The following HELLS variants were observed in gnomAD, a reference collection of about 807,000 sequenced individuals.
The protein encoded by HELLS is lymphoid-specific helicase.
In HELLS, 32 loss-of-function variants were observed where a neutral mutation model predicts 120.0. The ratio of observed to expected loss-of-function variants is 0.27; its 90% CI spans 0.20 to 0.36. HELLS has a LOEUF of 0.36. HELLS is among the 10% of genes least tolerant of loss of function. The pLI is 1.00. For missense variants in HELLS, 650 were observed against 993.4 expected, an observed-to-expected ratio of 0.65 and a Z score of 4.65; for synonymous variants, 341 against 323.4, an observed-to-expected ratio of 1.05 and a Z score of -0.58.
At position 94,590,443 on chromosome 10, in the gene HELLS, C is replaced by T. The variant is rs1314843352; in HGVS notation, c.1519C>T (p.Arg507Ter). Reference sequence around the variant, plus strand: ...AACAATTGAGTTAAGTCCTACTGGTCGACCAAAACGACGAACTAGAAAATC... The same window carrying T: ...AACAATTGAGTTAAGTCCTACTGGTTGACCAAAACGACGAACTAGAAAATC... ...KETIELSPTG[R>*]PKRRTRKSIN... Residue 507 changes from arginine to a stop codon, truncating the protein, a stop_gained, in exon 14 of 22, where the codon CGA becomes TGA. Coordinates refer to ENST00000348459, the MANE Select transcript of HELLS (RefSeq NM_018063.5). LOFTEE classifies it high-confidence loss of function. The T allele has an allele frequency of 1.2e-6, 2 of 1,609,178 alleles. No individual in the cohort carries two copies. The highest frequency in any genetic ancestry group is 8.5e-7 in the Non-Finnish European group (1 of 1,179,056).
Position 94,594,790 on chromosome 10 carries a change from C to CATA in HELLS, c.2184_2185insATA (p.Ile728dup). 6.2e-7 allele frequency: 1 copy of CATA among 1,613,518 alleles called. No homozygotes were observed. The highest frequency in any genetic ancestry group is 8.5e-7 in the Non-Finnish European group (1 of 1,179,578). ...ATCGCCTTGTTACAGCAAATACTAT[C>CATA]GATCAGAAAATTGTGGAAAGAGCAG... On this transcript the variant is annotated inframe_insertion, in exon 19 of 22. Transcript: ENST00000348459.
At chr10:94,580,146 T>C (rs1423493846) in intron 10 of HELLS, among the ~76,000 whole-genome samples, 7 of 56,292 alleles carry the variant, frequency 1.2e-4, no homozygotes, top group Non-Finnish European at 2.0e-4. Context: ...TATATATATA[T>C]ATATATATAT....
chr10:94,593,804 A>G (rs1845611877), intron 18 of HELLS, among the ~76,000 whole-genome samples, 189 bp downstream of exon 18: 1 of 151,694 alleles, frequency 6.6e-6, no homozygotes, highest in Non-Finnish European at 1.5e-5. Context: ...CTGTGACTAT[A>G]GGTGTACACC....
chr10:94,593,291 A>G (rs919055047), intron 17 of HELLS, among the ~76,000 whole-genome samples: 36 of 152,178 alleles, frequency 2.4e-4, no homozygotes, highest in African/African-American at 8.0e-4. Flanking sequence ...ATGGTTTTTA[A>G]CAAAATTAAG....
At chr10:94,580,160 TATACAC>T (rs1564602698) in intron 10 of HELLS, among the ~76,000 whole-genome samples, 11 of 64,556 alleles carry the variant, frequency 1.7e-4, no homozygotes, top group African/African-American at 7.2e-4. Context: ...TATATATATA[TATACAC>T]ACACACACAC....
chr10:94,564,158 G>C (rs1843681798), intron 6 of HELLS, among the ~76,000 whole-genome samples: 1 of 152,148 alleles, frequency 6.6e-6, no homozygotes, highest in Admixed American at 6.6e-5. Context: ...TAATAGCTTT[G>C]ACTCTACCTA....
chr10:94,592,666 AG>A (rs1845549160), intron 17 of HELLS, 152 bp downstream of exon 17: 1 of 452,410 alleles, frequency 2.2e-6, no homozygotes, highest in Admixed American at 4.2e-5. Flanking sequence ...ATTTTGATTT[AG>A]TACTAAGAAG....
At chr10:94,600,840 G>C (rs1489841573) in intron 21 of HELLS, among the ~76,000 whole-genome samples, 1 of 152,040 alleles carries the variant, frequency 6.6e-6, no homozygotes. Flanking sequence ...TAATAGGAAA[G>C]ACTACTATAA....
intron 2 of HELLS, among the ~76,000 whole-genome samples, chr10:94,547,861 T>A (rs1449793884): frequency 6.6e-6 from 1 of 152,178 alleles, no homozygotes; most frequent in East Asian, 1.9e-4. Context: ...TCCACTCCAG[T>A]AATACTCCTT....
At position 94,601,984 on chromosome 10, in the gene HELLS, G is replaced by C. The variant is rs1479308129; in HGVS notation, c.*362G>C. ...GGGCTTTAGGTACTTCAGTTATGAA[G>C]TAGGCTTTTCATGGGGAGAGATTGG... On this transcript the variant is annotated 3_prime_UTR_variant, in exon 22 of 22. Coordinates refer to ENST00000348459, the MANE Select transcript of HELLS (RefSeq NM_018063.5). The C allele has an allele frequency of 6.5e-6, 1 of 154,938 alleles. No individual in the cohort carries two copies. Among genetic ancestry groups the C allele is most frequent in the Non-Finnish European group, 1.4e-5 (1 of 69,682 alleles). The allele number at this position is 154,938 out of a possible 1,614,324, so 9.6% of individuals were successfully genotyped here.
At chr10:94,559,299 A>G (rs1056863436) in intron 4 of HELLS, among the ~76,000 whole-genome samples, 1 of 152,098 alleles carries the variant, frequency 6.6e-6, no homozygotes, top group African/African-American at 2.4e-5. Context: ...AATGGCCCCC[A>G]ACTATTGTAC....
chr10:94,574,641 A>G lies in HELLS; in HGVS notation c.793A>G (p.Met265Val). ...TVQCIATIAL[M>V]IQRGVPGPFL... ...TCAGTGCATTGCTACTATTGCATTG[A>G]TGATTCAGAGAGGAGTACCAGGACC... is the stretch of plus-strand genomic sequence containing the variant. The change falls in exon 9 of 22, where the codon ATG becomes GTG. Residue 265 changes from methionine (M) to valine (V), a missense_variant. Transcript: ENST00000348459. 4.3e-6 allele frequency: 7 copies of G among 1,613,660 alleles called. No homozygotes were observed. Among genetic ancestry groups the G allele is most frequent in the Non-Finnish European group, 5.9e-6 (7 of 1,179,592 alleles).
chr10:94,580,477 C>T (rs978196759), intron 10 of HELLS, among the ~76,000 whole-genome samples: 42 of 151,924 alleles, frequency 2.8e-4, no homozygotes, highest in Non-Finnish European at 5.3e-4. Context: ...CCACTGCGCC[C>T]GGCCAAGGAT....
intron 6 of HELLS, among the ~76,000 whole-genome samples, chr10:94,563,921 C>T (rs1316054448): frequency 5.3e-5 from 8 of 151,708 alleles, no homozygotes; most frequent in African/African-American, 1.7e-4. Flanking sequence ...AGCAATTCTC[C>T]TGCCTCAGCC....
At chr10:94,563,429 T>C (rs376411213) in intron 6 of HELLS, among the ~76,000 whole-genome samples, 4 of 152,064 alleles carry the variant, frequency 2.6e-5, no homozygotes, top group Middle Eastern at 3.4e-3. Flanking sequence ...CACCTTTAGG[T>C]TGTTCTGGTT....
chr10:94,581,434 T>C lies in HELLS; in HGVS notation c.1141T>C (p.Leu381=). ...ATTCAATGCTGATAACAAACTTCTT[T>C]TGACTGGTACTCCCTTGCAAAACAA... ...KRFNADNKLL[L]TGTPLQNNLS... Residue 381 remains leucine (L), a synonymous_variant, in exon 11 of 22, where the codon TTG becomes CTG. Transcript: ENST00000348459. The C allele has an allele frequency of 6.2e-7, 1 of 1,613,320 alleles. No individual in the cohort carries two copies. Among genetic ancestry groups the C allele is most frequent in the Non-Finnish European group, 8.5e-7 (1 of 1,179,492 alleles).
chr10:94,583,383 A>G (rs1844969117), intron 12 of HELLS, among the ~76,000 whole-genome samples: 2 of 152,122 alleles, frequency 1.3e-5, no homozygotes, highest in South Asian at 2.1e-4. Flanking sequence ...ACATCCTTGC[A>G]TGGCTGCTGT....
chr10:94,605,415 G>A (rs118007178), downstream of HELLS, among the ~76,000 whole-genome samples: 3 of 151,894 alleles, frequency 2.0e-5, no homozygotes, highest in Admixed American at 6.6e-5. Context: ...TGGTTTACTC[G>A]CTCACTTTGA....
chr10:94,562,044 G>C (rs985985234), intron 4 of HELLS, among the ~76,000 whole-genome samples: 5 of 151,688 alleles, frequency 3.3e-5, no homozygotes, highest in African/African-American at 1.2e-4. Context: ...GCCTCCCAAA[G>C]TGCTGGGATT....
Sources: gnomAD v4.1 joint callset for allele counts (sites outside exome capture counted in the v4.1 genomes callset) on GRCh38, gnomAD v4.1.1 for gene constraint, MANE v1.5 for transcripts, NCBI Gene and HGNC (gene_info 2026-07-23, HGNC 2026-07-21) for gene names.